The following NSUN3 variants were observed in gnomAD, a reference collection of about 807,000 sequenced individuals.
NSUN3 encodes NOP2/Sun RNA methyltransferase 3.
A neutral mutation model predicts 36.8 loss-of-function variants in NSUN3; 24 were observed. The ratio of observed to expected loss-of-function variants is 0.65; its 90% CI spans 0.47 to 0.92. The LOEUF is 0.92. Ranked by LOEUF, NSUN3 falls within the 40% of genes least tolerant of loss-of-function variation. NSUN3 has a pLI of 0.00. For missense variants in NSUN3, 381 were observed against 392.8 expected, an observed-to-expected ratio of 0.97 and a Z score of 0.25; for synonymous variants, 146 against 145.2, an observed-to-expected ratio of 1.01 and a Z score of -0.04.
chr3:94,115,638 G>A (rs1010896708), intron 5 of NSUN3, among the ~76,000 whole-genome samples: 1 of 152,138 alleles, frequency 6.6e-6, no homozygotes, highest in African/African-American at 2.4e-5. Context: ...ATTAATGAAA[G>A]AGGGAAAATC....
intron 3 of NSUN3, among the ~76,000 whole-genome samples, chr3:94,087,706 T>C (rs2077297424): frequency 6.6e-6 from 1 of 152,236 alleles, no homozygotes; most frequent in Non-Finnish European, 1.5e-5. Flanking sequence ...GGTCTTGCTC[T>C]GTTGCTCAGG....
intron 5 of NSUN3, among the ~76,000 whole-genome samples, chr3:94,116,738 T>C (rs1223582058): frequency 2.6e-5 from 4 of 152,186 alleles, no homozygotes; most frequent in Non-Finnish European, 5.9e-5. Flanking sequence ...AAAATCTTAT[T>C]TAATGGCAGA....
chr3:94,081,047 C>T (rs932705655), intron 2 of NSUN3, among the ~76,000 whole-genome samples: 4 of 152,144 alleles, frequency 2.6e-5, no homozygotes, highest in African/African-American at 4.8e-5. Context: ...GGGTAGGCAC[C>T]GAAGGGAATC....
At chr3:94,116,628 T>C (rs1310569633) in intron 5 of NSUN3, among the ~76,000 whole-genome samples, 1 of 152,186 alleles carries the variant, frequency 6.6e-6, no homozygotes, top group Non-Finnish European at 1.5e-5. Flanking sequence ...GGTTAACTAG[T>C]TTTATCATAC....
chr3:94,094,899 TTTTCA>T (rs1367847765), intron 4 of NSUN3, 129 bp from the exon 5 acceptor site: 3 of 884,706 alleles, frequency 3.4e-6, no homozygotes, highest in African/African-American at 1.7e-5. Context: ...CTGTGGTGTA[TTTTCA>T]GTTAAAAAAG....
intron 5 of NSUN3, among the ~76,000 whole-genome samples, chr3:94,113,019 C>T (rs962881620): frequency 3.9e-5 from 6 of 152,126 alleles, no homozygotes; most frequent in African/African-American, 1.4e-4. Context: ...GACCCGCCAC[C>T]ATGCCCGGCT....
At position 94,126,490 on chromosome 3, in the gene NSUN3, A is replaced by G; in HGVS notation, c.1023A>G (p.Ter341TrpextTer16). The change falls in exon 6 of 6, where the codon TGA becomes TGG. Residue 341 changes from the stop codon to tryptophan, a stop_lost. Coordinates refer to ENST00000314622, the MANE Select transcript of NSUN3 (RefSeq NM_022072.5). ...AATCATGGAGCACAGGAAAATGGTG[A>G]CATGAATTTGTAAACTGTGTTTATG... is the stretch of plus-strand genomic sequence containing the variant. ...LKKSWSTGKW[*>W] The G allele has an allele frequency of 6.2e-7, 1 of 1,603,354 alleles. No individual in the cohort carries two copies.
Position 94,126,477 on chromosome 3 carries a change from C to T in NSUN3, c.1010C>T (p.Thr337Ile). ...YVAKLKKSWS[T>I]GKW ...GCCAAATTGAAGAAATCATGGAGCA[C>T]AGGAAAATGGTGACATGAATTTGTA... The change falls in exon 6 of 6, where the codon ACA (threonine) becomes ATA (isoleucine). Residue 337 changes from threonine (T) to isoleucine (I), a missense_variant. Physicochemically the swap from Thr to Ile is moderately conservative, Grantham distance 89. Transcript: ENST00000314622. The T allele has an allele frequency of 6.2e-7, 1 of 1,606,922 alleles. No homozygotes were observed. Among genetic ancestry groups the T allele is most frequent in the Non-Finnish European group, 8.5e-7 (1 of 1,174,112 alleles).
chr3:94,084,853 G>A (rs2077285391), intron 3 of NSUN3: 1 of 159,694 alleles, frequency 6.3e-6, no homozygotes, highest in Admixed American at 6.1e-5. Flanking sequence ...AAGGTTCCAA[G>A]GCAATTCTTT....
chr3:94,064,591 A>T (rs1303468350), intron 2 of NSUN3, 45 bp downstream of exon 2: 1 of 1,174,958 alleles, frequency 8.5e-7, no homozygotes, highest in Non-Finnish European at 1.3e-6. Context: ...ACAAAGTACA[A>T]TATGTAGTCC....
intron 5 of NSUN3, among the ~76,000 whole-genome samples, chr3:94,109,147 A>G (rs1337548329): frequency 1.3e-5 from 2 of 152,202 alleles, no homozygotes; most frequent in African/African-American, 4.8e-5. Context: ...CTGAGCTCTG[A>G]AGTGGGTCTA....
intron 3 of NSUN3, among the ~76,000 whole-genome samples, chr3:94,093,206 T>G (rs1040746517): frequency 2.0e-5 from 3 of 151,916 alleles, no homozygotes; most frequent in Admixed American, 6.6e-5. Flanking sequence ...ACTAAAAGTT[T>G]TTTTTTTTAC....
At chr3:94,110,816 ATGTGTGTGTGTG>A (rs541709907) in intron 5 of NSUN3, among the ~76,000 whole-genome samples, 3 of 146,352 alleles carry the variant, frequency 2.0e-5, no homozygotes, top group African/African-American at 7.5e-5. Flanking sequence ...ATATACATAT[ATGTGTGTGTGTG>A]TGTGTGTGTG....
intron 5 of NSUN3, among the ~76,000 whole-genome samples, chr3:94,120,195 A>G (rs969392568): frequency 2.6e-5 from 4 of 152,260 alleles, no homozygotes; most frequent in African/African-American, 4.8e-5. Flanking sequence ...GGTTGGAAGT[A>G]TCTGAATTCA....
In NSUN3 at chr3:94,127,360, G is replaced by A. The variant is rs2077491869; in HGVS notation, c.*870G>A. ...TCTGATTATCTTACATTCACAATCTGGAGGGGCTTTTTATTTCACTTTGTT... is the reference window on the plus strand; with the variant it reads ...TCTGATTATCTTACATTCACAATCTAGAGGGGCTTTTTATTTCACTTTGTT... On this transcript the variant is annotated 3_prime_UTR_variant, in exon 6 of 6. Transcript: ENST00000314622. The A allele has an allele frequency of 6.6e-6, 1 of 152,126 alleles. No individual in the cohort carries two copies. The highest frequency in any genetic ancestry group is 6.5e-5 in the Admixed American group (1 of 15,268). 9.4% of individuals were successfully genotyped at this position (152,126 alleles called of 1,614,324 possible).
intron 3 of NSUN3, 133 bp downstream of exon 3, chr3:94,084,583 G>A (rs1221690817): frequency 1.2e-5 from 7 of 605,160 alleles, no homozygotes; most frequent in Non-Finnish European, 1.9e-5. Context: ...GAGATGCTAT[G>A]GAGAAGAATG....
intron 5 of NSUN3, among the ~76,000 whole-genome samples, chr3:94,111,635 A>C (rs1299443729): frequency 6.6e-6 from 1 of 151,990 alleles, no homozygotes; most frequent in Non-Finnish European, 1.5e-5. Context: ...AGATGCAAAC[A>C]CATACTTTAG....
rs906596821 is a variant in NSUN3 at position 94,129,148 on chromosome 3, TG to T, written c.*2661del. ...CCATTTGAGCTAGCAATCCCATTAG[TG>T]GGTATATACCCACAGGAAAATAAAT... On this transcript the variant is annotated 3_prime_UTR_variant, in exon 6 of 6. Coordinates refer to ENST00000314622, the MANE Select transcript of NSUN3 (RefSeq NM_022072.5). Among the ~76,000 whole-genome samples, 2 of 152,152 alleles carry T rather than the reference TG, an allele frequency of 1.3e-5. No homozygotes were observed. Among genetic ancestry groups the T allele is most frequent in the Non-Finnish European group, 2.9e-5 (2 of 68,032 alleles).
At chr3:94,099,236 T>C (rs1241797238) in intron 5 of NSUN3, among the ~76,000 whole-genome samples, 1 of 152,230 alleles carries the variant, frequency 6.6e-6, no homozygotes, top group African/African-American at 2.4e-5. Context: ...GAGTTTAGTT[T>C]TTTTTAAATC....
Sources: allele counts gnomAD v4.1 joint callset (sites outside exome capture counted in the v4.1 genomes callset), GRCh38; gene constraint gnomAD v4.1.1; transcripts MANE v1.5; gene names NCBI Gene and HGNC (gene_info 2026-07-23, HGNC 2026-07-21).